The following DYRK1A variants were observed in gnomAD, a reference collection of about 807,000 sequenced individuals.
DYRK1A encodes dual specificity tyrosine-phosphorylation-regulated kinase 1A.
A neutral mutation model predicts 79.7 loss-of-function variants in DYRK1A; 9 were observed. The observed-to-expected ratio is 0.11, with a 90% CI of 0.07 to 0.20. The LOEUF (loss-of-function observed/expected upper bound fraction) is 0.20. DYRK1A is among the 10% of genes least tolerant of loss of function. DYRK1A has a pLI of 1.00. For synonymous variants in DYRK1A, 349 were observed against 329.7 expected (o/e 1.06, Z -0.63); for missense variants, 622 against 956.0 (o/e 0.65, Z 4.61).
At chr21:37,431,358 G>C (rs1375827650) in intron 2 of DYRK1A, among the ~76,000 whole-genome samples, 1 of 152,336 alleles carries the variant, frequency 6.6e-6, no homozygotes, top group South Asian at 2.1e-4. Flanking sequence ...TGTTTTAAGA[G>C]CTGGGTGGCC....
At position 37,395,983 on chromosome 21, in the gene DYRK1A, G is replaced by A. The variant is rs577427849; in HGVS notation, c.-76-24316G>A. On this transcript the variant is annotated intron_variant, in intron 1 of 11. Coordinates refer to ENST00000647188, the MANE Select transcript of DYRK1A (RefSeq NM_001347721.2). Reference sequence around the variant, plus strand: ...GCTTTTATATGCCACACAAAACATAGGAGATGTTCTCTCAGGGACATGTTC... The same window carrying A: ...GCTTTTATATGCCACACAAAACATAAGAGATGTTCTCTCAGGGACATGTTC... Among the ~76,000 whole-genome samples, 64 of 152,302 alleles carry A rather than the reference G, an allele frequency of 4.2e-4. 1 individual carries two copies. The highest frequency in any genetic ancestry group is 1.5e-3 in the African/African-American group (63 of 41,556).
At position 37,524,665 on chromosome 21, in the gene DYRK1A, A is replaced by C. The variant is rs1037356200; in HGVS notation, c.*12134A>C. On this transcript the variant is annotated 3_prime_UTR_variant, in exon 12 of 12. Coordinates refer to ENST00000647188, the MANE Select transcript of DYRK1A (RefSeq NM_001347721.2). Reference sequence around the variant, plus strand: ...TGAGTGGTTTCCCCTGACTCTCATGACAGGGGTCACCATATGTTATGCACA... The same window carrying C: ...TGAGTGGTTTCCCCTGACTCTCATGCCAGGGGTCACCATATGTTATGCACA... 9.2e-5 allele frequency: 14 copies of C among 152,376 alleles called. No individual in the cohort carries two copies. The highest frequency in any genetic ancestry group is 3.4e-4 in the African/African-American group (14 of 41,590). The allele number at this position is 152,376 out of a possible 1,614,324, so 9.4% of individuals were successfully genotyped here.
chr21:37,487,479 A>G (rs1601256221), intron 6 of DYRK1A: 2 of 152,162 alleles, frequency 1.3e-5, no homozygotes. Flanking sequence ...CCATCATTTT[A>G]TGTACCGTCA....
rs1246591298 is a variant in DYRK1A at position 37,430,676 on chromosome 21, CT to C, written c.10+10293del. ...GCCCTGGCAGGAAGATTCTCTTTCT[CT>C]GCTTGCCAGGTTGAGGAGGCCTCAT... On this transcript the variant is annotated intron_variant, in intron 2 of 11. Coordinates refer to ENST00000647188, the MANE Select transcript of DYRK1A (RefSeq NM_001347721.2). 5.9e-5 allele frequency among the ~76,000 whole-genome samples: 9 copies of C among 152,300 alleles called. No homozygotes were observed. The Middle Eastern group carries it at 0.01, about 173-fold the overall frequency.
intron 9 of DYRK1A, chr21:37,502,537 C>G (rs1049075477): frequency 7.9e-5 from 12 of 152,090 alleles, no homozygotes; most frequent in African/African-American, 2.9e-4. Context: ...CTATCTACCT[C>G]TTGTGCACTT....
At position 37,512,285 on chromosome 21, in the gene DYRK1A, T is replaced by C; in HGVS notation, c.2019T>C (p.Asn673=). 2 of 1,614,240 alleles carry C rather than the reference T, an allele frequency of 1.2e-6. No individual in the cohort carries two copies. Among genetic ancestry groups the C allele is most frequent in the East Asian group, 4.5e-5 (2 of 44,888 alleles). ...TGNQGNQAYQ[N]RPVAANTLDF... is the part of the protein sequence containing the mutation. ...ACCAAGGCAATCAGGCCTACCAGAA[T>C]CGCCCAGTGGCTGCTAATACCTTGG... The change falls in exon 12 of 12, where the codon AAT becomes AAC. Residue 673 remains asparagine (N), a synonymous_variant. Coordinates refer to ENST00000647188, the MANE Select transcript of DYRK1A (RefSeq NM_001347721.2).
intron 1 of DYRK1A, among the ~76,000 whole-genome samples, chr21:37,397,238 G>A (rs1386693734): frequency 6.6e-6 from 1 of 152,154 alleles, no homozygotes; most frequent in Non-Finnish European, 1.5e-5. Context: ...GATGACTGGA[G>A]TCTCTGCCAC....
At chr21:37,452,716 T>G (rs900495304) in intron 2 of DYRK1A, among the ~76,000 whole-genome samples, 2 of 149,570 alleles carry the variant, frequency 1.3e-5, no homozygotes, top group Non-Finnish European at 3.0e-5. Flanking sequence ...TTCCCTGCGC[T>G]CTTTTCTTCA....
At chr21:37,417,247 A>G (rs1056504180) in intron 1 of DYRK1A, among the ~76,000 whole-genome samples, 4 of 151,956 alleles carry the variant, frequency 2.6e-5, no homozygotes, top group Non-Finnish European at 4.4e-5. Context: ...CTGGAGTGCA[A>G]TGGCATGATC....
At chr21:37,372,855 G>A (rs2049459617) in intron 1 of DYRK1A, among the ~76,000 whole-genome samples, 1 of 152,014 alleles carries the variant, frequency 6.6e-6, no homozygotes, top group African/African-American at 2.4e-5. Context: ...CCTTGGCCAT[G>A]CATTCTTTTT....
chr21:37,401,601 C>T (rs1341028284), intron 1 of DYRK1A, among the ~76,000 whole-genome samples: 1 of 151,416 alleles, frequency 6.6e-6, no homozygotes, highest in African/African-American at 2.4e-5. Context: ...TCCTTTCTCA[C>T]CCTCCTGTGT....
intron 1 of DYRK1A, among the ~76,000 whole-genome samples, chr21:37,410,058 A>G (rs2050215360): frequency 1.3e-5 from 2 of 152,248 alleles, no homozygotes; most frequent in Non-Finnish European, 2.9e-5. Context: ...AATCTGTGCT[A>G]CAGATATAAA....
intron 6 of DYRK1A, 113 bp downstream of exon 6, chr21:37,486,727 T>A: frequency 7.9e-6 from 9 of 1,141,168 alleles, no homozygotes; most frequent in Admixed American, 8.0e-5. Context: ...TGATTAAAAA[T>A]TTGTTTATTT....
chr21:37,512,041 A>T lies in DYRK1A; in HGVS notation c.1775A>T (p.His592Leu). The T allele has an allele frequency of 6.2e-7, 1 of 1,614,144 alleles. No homozygotes were observed. The change falls in exon 12 of 12, where the codon CAC becomes CTC. Residue 592 changes from histidine (H) to leucine (L), a missense_variant. His to Leu is a moderately conservative substitution (Grantham distance 99). Around this residue, in one of 5 missense-constraint regions of DYRK1A, gnomAD observed 292 missense variants for 316.7 expected, o/e 0.92. Coordinates refer to ENST00000647188, the MANE Select transcript of DYRK1A (RefSeq NM_001347721.2). The part of the protein sequence containing the change: ...VAPQQNALHH[H>L]HGNSSHHHHH... ...CCTCAACAGAATGCATTGCATCATC[A>T]CCATGGTAACAGTTCCCATCACCAT...
At chr21:37,373,721 T>C (rs1251360816) in intron 1 of DYRK1A, among the ~76,000 whole-genome samples, 1 of 152,220 alleles carries the variant, frequency 6.6e-6, no homozygotes, top group East Asian at 1.9e-4. Context: ...TTTTTCTTCA[T>C]ACCCTATTGG....
At chr21:37,459,464 C>G (rs1400414279) in intron 2 of DYRK1A, among the ~76,000 whole-genome samples, 1 of 151,990 alleles carries the variant, frequency 6.6e-6, no homozygotes, top group African/African-American at 2.4e-5. Context: ...CCTGGATGCC[C>G]GATGGAGTAA....
In DYRK1A at chr21:37,486,467, G is replaced by T; in HGVS notation, c.490G>T (p.Val164Phe). The change falls in exon 6 of 12, where the codon GTT becomes TTT. Residue 164 changes from valine to phenylalanine, a missense_variant and splice_region_variant. Transcript: ENST00000647188. ...SLIGKGSFGQ[V>F]VKAYDRVEQE... ...GAGAATTATTCATCTTCTCTTTTAG[G>T]TTGTAAAGGCATATGATCGTGTGGA... 1 of 1,504,788 alleles carries T rather than the reference G, an allele frequency of 6.6e-7. No individual in the cohort carries two copies. The allele number at this position is 1,504,788 out of a possible 1,614,324, so 93.2% of individuals were successfully genotyped here.
chr21:37,485,017 C>T (rs924750758), intron 5 of DYRK1A, among the ~76,000 whole-genome samples: 13 of 152,152 alleles, frequency 8.5e-5, no homozygotes, highest in East Asian at 1.9e-4. Context: ...TCTCCATTTC[C>T]GTAGCCAATA....
At chr21:37,438,946 C>T (rs988097003) in intron 2 of DYRK1A, among the ~76,000 whole-genome samples, 8 of 151,992 alleles carry the variant, frequency 5.3e-5, no homozygotes, top group African/African-American at 1.2e-4. Context: ...TTTTTGGACC[C>T]GTGCACATAT....
Sources: gnomAD v4.1 joint callset for allele counts (sites outside exome capture counted in the v4.1 genomes callset) on GRCh38, gnomAD v4.1.1 for gene constraint, gnomAD v4.1.1 regional missense constraint, MANE v1.5 for transcripts, NCBI Gene and HGNC (gene_info 2026-07-23, HGNC 2026-07-21) for gene names.